Variants in KLHL20 observed in about 807,000 individuals in gnomAD.
The protein encoded by KLHL20 is kelch-like protein 20.
A neutral mutation model predicts 69.5 loss-of-function variants in KLHL20; 29 were observed. The observed-to-expected ratio is 0.42, with a 90% CI of 0.31 to 0.57. The LOEUF (loss-of-function observed/expected upper bound fraction) is 0.57. Among genes scored for constraint, KLHL20 ranks in the 20% least tolerant of loss-of-function variants. The probability of loss-of-function intolerance (pLI) is 0.18; values close to 1 mark genes in which losing one functional copy is unlikely to be tolerated. For missense variants in KLHL20, 419 were observed against 776.0 expected (o/e 0.54, Z 5.47); for synonymous variants, 253 against 265.2 (o/e 0.95, Z 0.45).
At position 173,784,293 on chromosome 1, in the gene KLHL20, G is replaced by A. The variant is rs537530640; in HGVS notation, c.1746-870G>A. Reference sequence around the variant, plus strand: ...TAGCATTTTAGCAAAACCTAAATACGGTAAAGGATAGGTAATGGCAGCTTT... The same window carrying A: ...TAGCATTTTAGCAAAACCTAAATACAGTAAAGGATAGGTAATGGCAGCTTT... On this transcript the variant is annotated intron_variant, in intron 11 of 11. Transcript: ENST00000209884. 1.9e-4 allele frequency among the ~76,000 whole-genome samples: 29 copies of A among 152,234 alleles called. No individual in the cohort carries two copies. The South Asian group carries it at 4.6e-3, about 24-fold the overall frequency.
chr1:173,730,154 A>G (rs1319793760), intron 2 of KLHL20, among the ~76,000 whole-genome samples: 3 of 152,274 alleles, frequency 2.0e-5, no homozygotes, highest in Non-Finnish European at 2.9e-5. Context: ...TAGGAATCCA[A>G]CTTACAAGGG....
intron 8 of KLHL20, among the ~76,000 whole-genome samples, chr1:173,768,166 T>C (rs1162289036): frequency 1.3e-5 from 2 of 152,104 alleles, no homozygotes; most frequent in Non-Finnish European, 2.9e-5. Flanking sequence ...AAGCTTAAAG[T>C]ATTTTGTATA....
intron 2 of KLHL20, among the ~76,000 whole-genome samples, chr1:173,728,621 G>A (rs1236981564): frequency 1.3e-5 from 2 of 152,148 alleles, no homozygotes; most frequent in African/African-American, 4.8e-5. Flanking sequence ...CATGGAAACT[G>A]AATAACCTGC....
intron 2 of KLHL20, among the ~76,000 whole-genome samples, chr1:173,726,793 T>G (rs917448869): frequency 6.6e-6 from 1 of 151,806 alleles, no homozygotes; most frequent in Non-Finnish European, 1.5e-5. Flanking sequence ...ACCACAAAGA[T>G]GGGGAAAAAA....
chr1:173,757,055 T>C lies in KLHL20; in HGVS notation c.1047T>C (p.Ala349=). 2 of 1,614,172 alleles carry C rather than the reference T, an allele frequency of 1.2e-6. No individual in the cohort carries two copies. Among genetic ancestry groups the C allele is most frequent in the African/African-American group, 1.3e-5 (1 of 75,064 alleles). The change falls in exon 7 of 12, where the codon GCT becomes GCC. Residue 349 remains alanine, a synonymous_variant. Transcript: ENST00000209884. The part of the protein sequence containing the change: ...DPQTNEWRMV[A]SMSKRRCGVG... ...AGACCAATGAATGGAGAATGGTGGC[T>C]TCAATGAGCAAAAGGAGATGCGGAG...
intron 7 of KLHL20, among the ~76,000 whole-genome samples, chr1:173,757,454 A>G (rs1055424521): frequency 3.2e-4 from 48 of 151,936 alleles, no homozygotes; most frequent in Admixed American, 8.5e-4. Flanking sequence ...CTCTCCTTAC[A>G]TATATGCATG....
chr1:173,722,205 C>T (rs1276122893), intron 2 of KLHL20, among the ~76,000 whole-genome samples: 1 of 152,152 alleles, frequency 6.6e-6, no homozygotes, highest in Non-Finnish European at 1.5e-5. Context: ...CCTGCCTCAA[C>T]CTGCCAAAGT....
At chr1:173,779,958 T>C (rs1648751999) in intron 10 of KLHL20, among the ~76,000 whole-genome samples, 1 of 152,150 alleles carries the variant, frequency 6.6e-6, no homozygotes, top group African/African-American at 2.4e-5. Context: ...AATTTATCCA[T>C]CTTGGGATGT....
chr1:173,765,872 A>G (rs919406832), intron 7 of KLHL20, among the ~76,000 whole-genome samples: 4 of 152,168 alleles, frequency 2.6e-5, no homozygotes, highest in African/African-American at 7.2e-5. Context: ...ATATATGCCA[A>G]ATCAAAATGG....
At chr1:173,715,192 TGTCA>T (rs1240811381) in intron 1 of KLHL20, 114 bp downstream of exon 1, 6 of 152,322 alleles carry the variant, frequency 3.9e-5, no homozygotes, top group Admixed American at 1.3e-4. Flanking sequence ...GTCGGTCGCC[TGTCA>T]GTCGGCGCCG....
chr1:173,779,703 TCTA>T (rs1648725808), intron 10 of KLHL20, among the ~76,000 whole-genome samples: 1 of 152,140 alleles, frequency 6.6e-6, no homozygotes, highest in African/African-American at 2.4e-5. Flanking sequence ...CCCCAAATTA[TCTA>T]CTACCTTATC....
At chr1:173,756,136 T>A in intron 6 of KLHL20, 98 bp downstream of exon 6, 1 of 820,444 alleles carries the variant, frequency 1.2e-6, no homozygotes, top group Admixed American at 2.3e-5. Context: ...TTTACTGTCA[T>A]AAGACACAAA....
chr1:173,725,269 T>A (rs61826815), intron 2 of KLHL20, among the ~76,000 whole-genome samples: 15,094 of 152,246 alleles, frequency 0.099, 1,007 homozygotes, highest in East Asian at 0.23. Context: ...TCACAGTACC[T>A]CAGGAGATGC....
intron 8 of KLHL20, among the ~76,000 whole-genome samples, chr1:173,770,921 A>C (rs1648052609): frequency 6.6e-6 from 1 of 152,150 alleles, no homozygotes; most frequent in Non-Finnish European, 1.5e-5. Flanking sequence ...CCAGAACACC[A>C]AGACATATGC....
chr1:173,772,587 T>G (rs1648165221), intron 8 of KLHL20, among the ~76,000 whole-genome samples: 1 of 152,320 alleles, frequency 6.6e-6, no homozygotes, highest in Non-Finnish European at 1.5e-5. Context: ...ATTATTATAT[T>G]GATTAACCAA....
intron 8 of KLHL20, among the ~76,000 whole-genome samples, chr1:173,772,635 G>A (rs1444012645): frequency 3.3e-5 from 5 of 152,094 alleles, no homozygotes; most frequent in Non-Finnish European, 2.9e-5. Context: ...TAAAAGGATT[G>A]TTTCTTTATA....
At chr1:173,777,948 C>G (rs897625748) in intron 10 of KLHL20, among the ~76,000 whole-genome samples, 3 of 152,166 alleles carry the variant, frequency 2.0e-5, no homozygotes, top group Admixed American at 1.3e-4. Context: ...GAAGTGTTAC[C>G]TCTTCCTCTA....
intron 3 of KLHL20, chr1:173,741,847 G>A: frequency 1.3e-6 from 2 of 1,587,198 alleles, no homozygotes; most frequent in African/African-American, 1.3e-5. Context: ...TTGTGTGTTG[G>A]CTGCTCCACT....
At chr1:173,744,849 T>C (rs1414792031) in intron 3 of KLHL20, among the ~76,000 whole-genome samples, 1 of 152,198 alleles carries the variant, frequency 6.6e-6, no homozygotes, top group Non-Finnish European at 1.5e-5. Context: ...TAAAGTTTTA[T>C]AATGAATTTT....
Sources: allele counts gnomAD v4.1 joint callset (sites outside exome capture counted in the v4.1 genomes callset), GRCh38; gene constraint gnomAD v4.1.1; transcripts MANE v1.5; gene names NCBI Gene and HGNC (gene_info 2026-07-23, HGNC 2026-07-21).